Variants in GSDME observed in about 807,000 individuals in gnomAD.
GSDME encodes the protein gasdermin-E.
In GSDME, 44 loss-of-function variants were observed where a neutral mutation model predicts 47.5. The observed-to-expected ratio is 0.93, with a 90% CI of 0.73 to 1.19. The LOEUF (loss-of-function observed/expected upper bound fraction) is 1.19, where lower values mean the gene tolerates loss of function less well. Ranked by LOEUF, GSDME falls within the 50% of genes most tolerant of loss-of-function variation. The pLI, the probability that GSDME is intolerant of heterozygous loss-of-function variation, is 0.00. For synonymous variants in GSDME, 258 were observed against 252.8 expected (o/e 1.02, Z -0.20); for missense variants, 663 against 604.2 (o/e 1.10, Z -1.02).
the GSDME span, among the ~76,000 whole-genome samples, chr7:24,770,767 G>A: frequency 2.0e-5 from 3 of 151,768 alleles, no homozygotes. The surrounding 1 kb of genome is among the most constrained non-coding windows in gnomAD (Gnocchi z 4.6). Context: ...GAATGCCTTT[G>A]ATGGGCTCAT....
rs1562687747 is a variant in GSDME at position 24,706,388 on chromosome 7, G to A, written c.991-12C>T. 6.2e-7 allele frequency: 1 copy of A among 1,610,740 alleles called. No individual in the cohort carries two copies. Among genetic ancestry groups the A allele is most frequent in the South Asian group, 1.1e-5 (1 of 90,680 alleles). On this transcript the variant is annotated splice_polypyrimidine_tract_variant and intron_variant, in intron 7 of 9. Transcript: ENST00000645220. Reference sequence around the variant, plus strand: ...ACCAGGTCATCGCACTGTAGGGCAGGGAAGAAGAAGGGTCATGACACAGCT... The same window carrying A: ...ACCAGGTCATCGCACTGTAGGGCAGAGAAGAAGAAGGGTCATGACACAGCT...
chr7:24,750,161 C>T (rs893881054), intron 1 of GSDME, among the ~76,000 whole-genome samples: 6 of 152,180 alleles, frequency 3.9e-5, no homozygotes, highest in South Asian at 4.1e-4. Context: ...ATCTTGAACA[C>T]TGTCAATCAT....
the GSDME span, among the ~76,000 whole-genome samples, chr7:24,765,064 G>T: frequency 6.6e-6 from 1 of 152,132 alleles, no homozygotes. Context: ...CACAGAGAAG[G>T]CTGAGCAAGC....
intron 5 of GSDME, 172 bp downstream of exon 5, chr7:24,717,082 G>T: frequency 1.4e-6 from 1 of 724,122 alleles, no homozygotes. Flanking sequence ...CTCCCCCAGT[G>T]CAGCCCATGT....
the GSDME span, among the ~76,000 whole-genome samples, chr7:24,794,569 A>G: frequency 2.2e-4 from 33 of 152,262 alleles, no homozygotes; most frequent in Admixed American, 1.7e-3. Context: ...ACTTTGTGCC[A>G]TACCTTTGAA....
At position 24,744,769 on chromosome 7, in the gene GSDME, A is replaced by T. The variant is rs760538240; in HGVS notation, c.212-15T>A. 1 of 1,613,854 alleles carries T rather than the reference A, an allele frequency of 6.2e-7. No homozygotes were observed. Among genetic ancestry groups the T allele is most frequent in the East Asian group, 2.2e-5 (1 of 44,878 alleles). The stretch of plus-strand genomic sequence containing the variant: ...CTCCACGACCACTGGAATGGAGGAG[A>T]CGAGCAGAGGAAGCCGATGATGATA... On this transcript the variant is annotated splice_polypyrimidine_tract_variant and intron_variant, in intron 2 of 9. Transcript: ENST00000645220. This position sits in a 1 kb window ranked among gnomAD's most constrained non-coding sequence, Gnocchi z 4.5.
In GSDME at chr7:24,710,267, A is replaced by T; in HGVS notation, c.819T>A (p.His273Gln). Reference sequence around the variant, plus strand: ...ATGGTCCATCCTGGGAAGATATCCCATGCGCAGCATCTGGCATGTCTATGA... The same window carrying T: ...ATGGTCCATCCTGGGAAGATATCCCTTGCGCAGCATCTGGCATGTCTATGA... ...FAFIDMPDAA[H>Q]GISSQDGPLS... The change falls in exon 6 of 10, where the codon CAT becomes CAA. Residue 273 changes from histidine (H) to glutamine (Q), a missense_variant. His to Gln is a conservative substitution (Grantham distance 24). Coordinates refer to ENST00000645220, the MANE Select transcript of GSDME (RefSeq NM_001127453.2). The T allele has an allele frequency of 6.2e-7, 1 of 1,614,216 alleles. No individual in the cohort carries two copies. Among genetic ancestry groups the T allele is most frequent in the South Asian group, 1.1e-5 (1 of 91,086 alleles).
rs1368132873 is a variant in GSDME at position 24,735,372 on chromosome 7, G to A, written c.404+9190C>T. On this transcript the variant is annotated intron_variant, in intron 3 of 9. Coordinates refer to ENST00000645220, the MANE Select transcript of GSDME (RefSeq NM_001127453.2). The surrounding 1 kb of genome is among the most constrained non-coding windows in gnomAD (Gnocchi z 4.4). The stretch of plus-strand genomic sequence containing the variant: ...TCCAAAATGTACTTGTAAGTACACA[G>A]AAAAAACACAGACTATTATAACACT... Among the ~76,000 whole-genome samples, 1 of 152,096 alleles carries A rather than the reference G, an allele frequency of 6.6e-6. No homozygotes were observed. The highest frequency in any genetic ancestry group is 2.4e-5 in the African/African-American group (1 of 41,392).
chr7:24,763,856 T>C, the GSDME span, among the ~76,000 whole-genome samples: 6 of 152,282 alleles, frequency 3.9e-5, no homozygotes, highest in South Asian at 1.2e-3. The surrounding 1 kb of genome is among the most constrained non-coding windows in gnomAD (Gnocchi z 4.3). Flanking sequence ...AGAGGGCAAA[T>C]AGGTGATGGC....
At chr7:24,749,152 A>G (rs1261397365) in intron 2 of GSDME, among the ~76,000 whole-genome samples, 1 of 152,212 alleles carries the variant, frequency 6.6e-6, no homozygotes, top group Non-Finnish European at 1.5e-5. Flanking sequence ...ATGACAAGCA[A>G]AGAAACAGGA....
At chr7:24,718,293 C>CT (rs1237498107) in intron 4 of GSDME, among the ~76,000 whole-genome samples, 4 of 152,234 alleles carry the variant, frequency 2.6e-5, no homozygotes, top group African/African-American at 4.8e-5. Context: ...AAGTAAATCT[C>CT]TAAGAAAATA....
intron 1 of GSDME, among the ~76,000 whole-genome samples, chr7:24,750,172 T>C (rs2128066096): frequency 6.6e-6 from 1 of 152,296 alleles, no homozygotes; most frequent in South Asian, 2.1e-4. Context: ...TGTCAATCAT[T>C]ATCCAACAGG....
At chr7:24,779,255 A>G in the GSDME span, among the ~76,000 whole-genome samples, 45 of 152,372 alleles carry the variant, frequency 3.0e-4, no homozygotes, top group Middle Eastern at 6.8e-3. The surrounding 1 kb of genome is among the most constrained non-coding windows in gnomAD (Gnocchi z 6.0). Context: ...GGTAGAGCAA[A>G]GACATTCAGG....
Position 24,706,241 on chromosome 7 carries a change from C to T in GSDME, c.1126G>A (p.Asp376Asn). ...SLQGGCPGPE[D>N]AGSKQLFMTA... ...ATAAACAGCTGCTTGCTGCCTGCAT[C>T]CTCGGGGCCCGGACACCCACCCTGT... Residue 376 changes from aspartate to asparagine, a missense_variant, in exon 8 of 10, where the codon GAT (aspartate) becomes AAT (asparagine). Asp to Asn is a conservative substitution (Grantham distance 23). Coordinates refer to ENST00000645220, the MANE Select transcript of GSDME (RefSeq NM_001127453.2). 1 of 1,614,228 alleles carries T rather than the reference C, an allele frequency of 6.2e-7. No homozygotes were observed. Among genetic ancestry groups the T allele is most frequent in the South Asian group, 1.1e-5 (1 of 91,082 alleles).
intron 9 of GSDME, chr7:24,702,485 A>G: frequency 2.6e-6 from 1 of 382,166 alleles, no homozygotes; most frequent in Non-Finnish European, 5.1e-6. Context: ...TTCTCTCCAA[A>G]CAATGGGAAA....
the GSDME span, among the ~76,000 whole-genome samples, chr7:24,767,157 C>T: frequency 6.6e-6 from 1 of 152,140 alleles, no homozygotes; most frequent in Non-Finnish European, 1.5e-5. This position sits in a 1 kb window ranked among gnomAD's most constrained non-coding sequence, Gnocchi z 5.3. Context: ...AACCCCGTCT[C>T]TACTAAAAAT....
chr7:24,714,890 A>G lies in GSDME; in HGVS notation c.697+2364T>C, dbSNP rs2721814. ...AGCACTCCTGGGCATCCTCAGGTGC[A>G]TGCCAAGATTTCAGAAAGCGTTACA... On this transcript the variant is annotated intron_variant, in intron 5 of 9. Coordinates refer to ENST00000645220, the MANE Select transcript of GSDME (RefSeq NM_001127453.2). This position sits in a 1 kb window ranked among gnomAD's most constrained non-coding sequence, Gnocchi z 5.0. 0.5 allele frequency among the ~76,000 whole-genome samples: 76,270 copies of G among 152,074 alleles called. 22,276 individuals carry two copies. The highest frequency in any genetic ancestry group is 0.83 in the East Asian group (4,277 of 5,170).
intron 3 of GSDME, among the ~76,000 whole-genome samples, chr7:24,740,697 C>T (rs2721805): frequency 0.62 from 93,468 of 151,726 alleles, 31,454 homozygotes; most frequent in East Asian, 0.99. Context: ...CAGTGTAATT[C>T]TGAAACATTT....
At position 24,749,565 on chromosome 7, in the gene GSDME, T is replaced by C. The variant is rs1790788354; in HGVS notation, c.210A>G (p.Pro70=). 1.9e-6 allele frequency: 3 copies of C among 1,611,144 alleles called. No homozygotes were observed. The highest frequency in any genetic ancestry group is 2.5e-6 in the Non-Finnish European group (3 of 1,178,310). The stretch of plus-strand genomic sequence containing the variant: ...TAGAATATACCCAAGGAAACATACC[T>C]GGACTCGGAAATTGGTCTTCTATGA... ...DVLIEDQFPS[P]VVVESDFVKY... Residue 70 remains proline, a splice_region_variant and synonymous_variant, in exon 2 of 10, where the codon CCA becomes CCG. Coordinates refer to ENST00000645220, the MANE Select transcript of GSDME (RefSeq NM_001127453.2).
Sources: allele counts gnomAD v4.1 joint callset (sites outside exome capture counted in the v4.1 genomes callset), GRCh38; gene constraint gnomAD v4.1.1; non-coding constraint Gnocchi (gnomAD v3.1); transcripts MANE v1.5; gene names NCBI Gene and HGNC (gene_info 2026-07-23, HGNC 2026-07-21).